FGGY: variants seen among roughly 807,000 people sequenced by gnomAD.
FGGY encodes the protein FGGY carbohydrate kinase domain-containing protein.
A neutral mutation model predicts 71.3 loss-of-function variants in FGGY; 72 were observed. The ratio of observed to expected loss-of-function variants is 1.01; its 90% CI spans 0.84 to 1.23. The LOEUF is 1.23. Ranked by LOEUF, FGGY falls within the 50% of genes most tolerant of loss-of-function variation. FGGY has a pLI of 0.00. For synonymous variants in FGGY, 251 were observed against 250.3 expected, an observed-to-expected ratio of 1.00 and a Z score of -0.02; for missense variants, 668 against 682.3, an observed-to-expected ratio of 0.98 and a Z score of 0.23.
chr1:59,470,605 T>TA (rs1280928348), intron 6 of FGGY, among the ~76,000 whole-genome samples: 1 of 152,224 alleles, frequency 6.6e-6, no homozygotes, highest in African/African-American at 2.4e-5. Context: ...ACACCAATAC[T>TA]ACCTCATTTT....
chr1:59,704,698 T>G (rs1445598026), intron 14 of FGGY, among the ~76,000 whole-genome samples: 3 of 152,190 alleles, frequency 2.0e-5, no homozygotes, highest in Non-Finnish European at 4.4e-5. Context: ...TGATAGACCT[T>G]TAGGTAGTTT....
At chr1:59,536,552 T>C (rs1250271808) in intron 7 of FGGY, among the ~76,000 whole-genome samples, 1 of 152,170 alleles carries the variant, frequency 6.6e-6, no homozygotes, top group East Asian at 1.9e-4. Context: ...ACCAATATCC[T>C]TGATGAACAC....
Position 59,430,110 on chromosome 1 carries a change from A to G in FGGY, c.555-26851A>G, listed in dbSNP as rs1376905140. 9.2e-5 allele frequency among the ~76,000 whole-genome samples: 14 copies of G among 152,350 alleles called. No homozygotes were observed. The South Asian group carries it at 2.9e-3, about 32-fold the overall frequency. On this transcript the variant is annotated intron_variant, in intron 5 of 15. Transcript: ENST00000303721. ...AGCTGTTGCTGGGTCCTGTATCTTCAGTTTTGCATGTGAAGAGCTAATTTT... is the reference window on the plus strand; with the variant it reads ...AGCTGTTGCTGGGTCCTGTATCTTCGGTTTTGCATGTGAAGAGCTAATTTT...
chr1:59,689,177 T>C (rs1398371724), intron 14 of FGGY, among the ~76,000 whole-genome samples: 2 of 152,174 alleles, frequency 1.3e-5, no homozygotes, highest in Non-Finnish European at 2.9e-5. Flanking sequence ...ATCTACTCTC[T>C]GGTAGTGACT....
chr1:59,363,921 A>G (rs900037767), intron 4 of FGGY, among the ~76,000 whole-genome samples: 4 of 152,238 alleles, frequency 2.6e-5, no homozygotes, highest in African/African-American at 7.2e-5. Flanking sequence ...GCCTTTGTCC[A>G]TGCCCAGCGG....
intron 4 of FGGY, among the ~76,000 whole-genome samples, chr1:59,346,947 CTTTTTT>C (rs71580898): frequency 1.8e-5 from 2 of 112,192 alleles, no homozygotes; most frequent in South Asian, 5.9e-4. Context: ...AAAATCAATT[CTTTTTT>C]TTTTTTTTTT....
At chr1:59,545,840 T>C (rs2095511884) in intron 7 of FGGY, among the ~76,000 whole-genome samples, 1 of 152,214 alleles carries the variant, frequency 6.6e-6, no homozygotes. Context: ...TGGTGCTACA[T>C]GTAATTGTGG....
chr1:59,653,596 T>G (rs917411632), intron 11 of FGGY, among the ~76,000 whole-genome samples: 6 of 152,228 alleles, frequency 3.9e-5, no homozygotes, highest in African/African-American at 1.4e-4. Flanking sequence ...AGGCAATGCC[T>G]CGCCCTGCTT....
intron 5 of FGGY, among the ~76,000 whole-genome samples, chr1:59,399,633 G>T (rs1261945512): frequency 6.6e-6 from 1 of 152,104 alleles, no homozygotes; most frequent in Non-Finnish European, 1.5e-5. Flanking sequence ...AGCACTTACT[G>T]TGCATTCTTG....
At chr1:59,537,777 GA>G (rs1464438032) in intron 7 of FGGY, among the ~76,000 whole-genome samples, 1 of 152,092 alleles carries the variant, frequency 6.6e-6, no homozygotes, top group African/African-American at 2.4e-5. Flanking sequence ...ATGGTGCTGG[GA>G]AAACTGGCTA....
chr1:59,402,901 T>C (rs539555853), intron 5 of FGGY, among the ~76,000 whole-genome samples: 2 of 152,296 alleles, frequency 1.3e-5, no homozygotes, highest in African/African-American at 4.8e-5. Context: ...TGGGTGAAGA[T>C]GCTTACCTCC....
At chr1:59,481,941 G>T (rs1357217181) in intron 6 of FGGY, among the ~76,000 whole-genome samples, 2 of 152,098 alleles carry the variant, frequency 1.3e-5, no homozygotes, top group African/African-American at 4.8e-5. Context: ...TGAAAAGAAA[G>T]TCTGATTTAT....
intron 14 of FGGY, among the ~76,000 whole-genome samples, chr1:59,675,704 T>G (rs544688995): frequency 5.3e-5 from 8 of 152,358 alleles, no homozygotes; most frequent in Non-Finnish European, 8.8e-5. Flanking sequence ...GACGGAGATG[T>G]TCTCACAATT....
At chr1:59,444,448 A>C (rs577719888) in intron 5 of FGGY, among the ~76,000 whole-genome samples, 1 of 152,078 alleles carries the variant, frequency 6.6e-6, no homozygotes, top group African/African-American at 2.4e-5. Flanking sequence ...GAAACTGTAT[A>C]ATACATTATT....
intron 8 of FGGY, among the ~76,000 whole-genome samples, chr1:59,583,256 C>G (rs867657671): frequency 7.0e-6 from 1 of 143,598 alleles, no homozygotes; most frequent in Non-Finnish European, 1.5e-5. Flanking sequence ...GGCCCATCAT[C>G]CTGCAAGAAA....
At chr1:59,749,421 G>T (rs1472032233) in intron 14 of FGGY, among the ~76,000 whole-genome samples, 2 of 152,166 alleles carry the variant, frequency 1.3e-5, no homozygotes, top group African/African-American at 4.8e-5. Flanking sequence ...ACTAACTGGG[G>T]TCAGTGTCAG....
At chr1:59,334,757 T>G (rs2049142524) in intron 2 of FGGY, among the ~76,000 whole-genome samples, 1 of 152,230 alleles carries the variant, frequency 6.6e-6, no homozygotes. Context: ...TGGACATTTT[T>G]GAGTTGACTT....
intron 8 of FGGY, among the ~76,000 whole-genome samples, chr1:59,575,701 C>T (rs1335631997): frequency 6.6e-6 from 1 of 152,190 alleles, no homozygotes; most frequent in Non-Finnish European, 1.5e-5. Flanking sequence ...TACTAGTTTA[C>T]ATTCCCACAG....
intron 10 of FGGY, among the ~76,000 whole-genome samples, chr1:59,633,273 G>A (rs1488448233): frequency 6.6e-6 from 1 of 152,140 alleles, no homozygotes; most frequent in Non-Finnish European, 1.5e-5. Flanking sequence ...GCCTCCCAAA[G>A]TGCTGAGATT....
Sources: gnomAD v4.1 joint callset for allele counts (sites outside exome capture counted in the v4.1 genomes callset) on GRCh38, gnomAD v4.1.1 for gene constraint, MANE v1.5 for transcripts, NCBI Gene and HGNC (gene_info 2026-07-23, HGNC 2026-07-21) for gene names.